Variants in GALNTL6 observed in about 807,000 individuals in gnomAD.
GALNTL6 encodes polypeptide N-acetylgalactosaminyltransferase like 6.
Under a neutral mutation model 73.7 loss-of-function variants are expected in GALNTL6, and 46 were observed. That is an observed-to-expected ratio of 0.62 (90% confidence interval 0.49 to 0.80). GALNTL6 has a LOEUF of 0.80. Among genes scored for constraint, GALNTL6 ranks in the 30% least tolerant of loss-of-function variants. The probability of loss-of-function intolerance (pLI) is 0.00; values close to 1 mark genes in which losing one functional copy is unlikely to be tolerated. For missense variants in GALNTL6, 604 were observed against 755.0 expected, an observed-to-expected ratio of 0.80 and a Z score of 2.34; for synonymous variants, 259 against 263.7, an observed-to-expected ratio of 0.98 and a Z score of 0.17.
chr4:172,807,651 A>AT (rs1579508042), intron 5 of GALNTL6, among the ~76,000 whole-genome samples: 1 of 152,148 alleles, frequency 6.6e-6, no homozygotes, highest in African/African-American at 2.4e-5. Context: ...ATGTATCACC[A>AT]TTGTGGAGCT....
chr4:172,916,176 G>A (rs1747496236), intron 8 of GALNTL6, among the ~76,000 whole-genome samples: 1 of 152,106 alleles, frequency 6.6e-6, no homozygotes, highest in Admixed American at 6.6e-5. Context: ...TGCAGAAAAG[G>A]CCTTTGACAA....
At chr4:171,844,673 A>G (rs748244340) in intron 2 of GALNTL6, among the ~76,000 whole-genome samples, 10 of 152,186 alleles carry the variant, frequency 6.6e-5, no homozygotes, top group Non-Finnish European at 1.2e-4. Flanking sequence ...AGCTGTGACA[A>G]TGTAAAACTG....
intron 5 of GALNTL6, among the ~76,000 whole-genome samples, chr4:172,389,438 A>G (rs547488027): frequency 6.6e-6 from 1 of 152,214 alleles, no homozygotes; most frequent in South Asian, 2.1e-4. Flanking sequence ...TCCAAGATTT[A>G]TTGCAGAAAT....
chr4:172,808,011 C>T (rs1463028764), intron 5 of GALNTL6, among the ~76,000 whole-genome samples: 2 of 152,084 alleles, frequency 1.3e-5, no homozygotes, highest in Non-Finnish European at 2.9e-5. Context: ...TTAGTAAAGA[C>T]TGGGTTTCAC....
chr4:172,379,935 G>A (rs1743216938), intron 5 of GALNTL6: 4 of 639,604 alleles, frequency 6.3e-6, no homozygotes, highest in Non-Finnish European at 1.1e-5. Flanking sequence ...TTATTCTGTA[G>A]TGTTTCTAAG....
intron 5 of GALNTL6, among the ~76,000 whole-genome samples, chr4:172,764,699 G>A (rs919918726): frequency 6.6e-6 from 1 of 151,932 alleles, no homozygotes; most frequent in Non-Finnish European, 1.5e-5. Context: ...AAAATCAAAA[G>A]GTGAACATTG....
intron 3 of GALNTL6, among the ~76,000 whole-genome samples, chr4:172,240,665 C>A (rs1737393636): frequency 6.6e-6 from 1 of 152,120 alleles, no homozygotes; most frequent in Non-Finnish European, 1.5e-5. Context: ...TTATAAAATT[C>A]TTGTAGTGTG....
chr4:172,760,252 T>C (rs74712766), intron 5 of GALNTL6, among the ~76,000 whole-genome samples: 4 of 152,194 alleles, frequency 2.6e-5, no homozygotes, highest in Non-Finnish European at 5.9e-5. Context: ...GAACCTCTGA[T>C]GTGGGCCAGT....
At chr4:172,437,262 G>A (rs994133873) in intron 5 of GALNTL6, among the ~76,000 whole-genome samples, 1 of 152,040 alleles carries the variant, frequency 6.6e-6, no homozygotes, top group Non-Finnish European at 1.5e-5. Flanking sequence ...TTAAAGCATA[G>A]TACTTAAAAC....
At chr4:172,833,323 A>T (rs1742740884) in intron 7 of GALNTL6, among the ~76,000 whole-genome samples, 1 of 152,218 alleles carries the variant, frequency 6.6e-6, no homozygotes, top group South Asian at 2.1e-4. Context: ...TAAGGGAGAA[A>T]TGATAACCAT....
chr4:172,892,383 G>A (rs1746077922), intron 8 of GALNTL6, among the ~76,000 whole-genome samples: 1 of 152,082 alleles, frequency 6.6e-6, no homozygotes, highest in Admixed American at 6.6e-5. Flanking sequence ...CTTCATTTCT[G>A]AGTGCTTTCA....
chr4:172,208,617 A>G (rs1291144707), intron 2 of GALNTL6, among the ~76,000 whole-genome samples: 1 of 152,118 alleles, frequency 6.6e-6, no homozygotes, highest in Non-Finnish European at 1.5e-5. Context: ...TTTCACTCAT[A>G]AGGTCACAAA....
At chr4:172,246,696 C>A (rs1405499458) in intron 3 of GALNTL6, among the ~76,000 whole-genome samples, 4 of 151,534 alleles carry the variant, frequency 2.6e-5, no homozygotes, top group Non-Finnish European at 5.9e-5. Flanking sequence ...ATGTTTCTCA[C>A]AAAAACTCTA....
chr4:172,475,186 C>G (rs1733188426), intron 5 of GALNTL6, among the ~76,000 whole-genome samples: 1 of 152,118 alleles, frequency 6.6e-6, no homozygotes, highest in African/African-American at 2.4e-5. Flanking sequence ...CTTATTTTGT[C>G]CTTAATGTAT....
chr4:172,186,610 A>T (rs886707465), intron 2 of GALNTL6, among the ~76,000 whole-genome samples: 35 of 152,232 alleles, frequency 2.3e-4, no homozygotes, highest in African/African-American at 7.7e-4. Context: ...TACATGCTAC[A>T]ATGTGTATGT....
rs201570841 is a variant in GALNTL6, at chr4:172,057,553, T to TA, written c.139-172095dup. Among the ~76,000 whole-genome samples, 558 of 148,192 alleles carry TA rather than the reference T, an allele frequency of 3.8e-3. 2 individuals carry two copies. Among genetic ancestry groups the TA allele is most frequent in the African/African-American group, 0.013 (524 of 40,338 alleles). ...AAAGTAAAAAAATAAAAATAAAAAA[T>TA]AAAAAAAACTGGGTGTGGTGGTATA... On this transcript the variant is annotated intron_variant, in intron 2 of 12. Transcript: ENST00000506823.
chr4:171,905,638 T>C (rs1394688481), intron 2 of GALNTL6, among the ~76,000 whole-genome samples: 6 of 149,510 alleles, frequency 4.0e-5, no homozygotes, highest in African/African-American at 1.5e-4. Context: ...CTGCACCAAG[T>C]GGACCTAATA....
chr4:172,427,193 T>A (rs1251957099), intron 5 of GALNTL6, among the ~76,000 whole-genome samples: 1 of 152,144 alleles, frequency 6.6e-6, no homozygotes. Context: ...TACCCAAGAC[T>A]GGGTAATTTA....
At chr4:172,595,706 A>G (rs1160209504) in intron 5 of GALNTL6, among the ~76,000 whole-genome samples, 5 of 152,328 alleles carry the variant, frequency 3.3e-5, no homozygotes, top group Admixed American at 3.3e-4. Context: ...TCATCAGAGT[A>G]TCACCTTATT....
Sources: allele counts gnomAD v4.1 joint callset (sites outside exome capture counted in the v4.1 genomes callset), GRCh38; gene constraint gnomAD v4.1.1; transcripts MANE v1.5; gene names NCBI Gene and HGNC (gene_info 2026-07-23, HGNC 2026-07-21).